CNTFR: variants seen among roughly 807,000 people sequenced by gnomAD.
CNTFR encodes ciliary neurotrophic factor receptor.
CNTFR carries 12 observed loss-of-function variants against 40.4 expected under a neutral mutation model. That is an observed-to-expected ratio of 0.30 (90% CI 0.19 to 0.48). CNTFR has a LOEUF of 0.48. Among genes scored for constraint, CNTFR ranks in the 20% least tolerant of loss-of-function variants. The pLI is 0.99. For missense variants in CNTFR, 414 were observed against 506.8 expected, an observed-to-expected ratio of 0.82 and a Z score of 1.76; for synonymous variants, 202 against 209.6, an observed-to-expected ratio of 0.96 and a Z score of 0.31.
chr9:34,578,690 C>A (rs1426486435), intron 2 of CNTFR, among the ~76,000 whole-genome samples: 1 of 152,188 alleles, frequency 6.6e-6, no homozygotes, highest in East Asian at 1.9e-4. Flanking sequence ...AGGTCCTATT[C>A]CAGGTCCTAT....
At chr9:34,584,137 G>A (rs3763614) in intron 1 of CNTFR, among the ~76,000 whole-genome samples, 6,832 of 152,294 alleles carry the variant, frequency 0.045, 238 homozygotes, top group South Asian at 0.068. Context: ...ACATCCTGAA[G>A]CTGGTCTTGA....
chr9:34,580,896 G>A (rs6476454), intron 2 of CNTFR, among the ~76,000 whole-genome samples, 199 bp downstream of exon 2: 120,664 of 152,178 alleles, frequency 0.79, 48,102 homozygotes, highest in East Asian at 0.94. Context: ...GTGACCACAG[G>A]TAAGTCTCTT....
chr9:34,578,018 G>C (rs897183535), intron 2 of CNTFR, among the ~76,000 whole-genome samples: 1 of 151,670 alleles, frequency 6.6e-6, no homozygotes, highest in Non-Finnish European at 1.5e-5. Context: ...ACTGACCTGG[G>C]TCCCCACGCA....
In CNTFR at chr9:34,564,638, A is replaced by G; in HGVS notation, c.280T>C (p.Ser94Pro). The stretch of plus-strand genomic sequence containing the variant: ...AGGACTTGGTGGCGCAGGTGCCAGG[A>G]GTCACGGTGGAAGCAGGCGTAGAGG... ...SGLYACFHRD[S>P]WHLRHQVLLH... The change falls in exon 4 of 10, where the codon TCC becomes CCC. Residue 94 changes from serine (S) to proline (P), a missense_variant. Ser to Pro is a moderately conservative substitution (Grantham distance 74, BLOSUM62 -1). Transcript: ENST00000378980. The G allele has an allele frequency of 1.2e-6, 2 of 1,612,954 alleles. No individual in the cohort carries two copies. Among genetic ancestry groups the G allele is most frequent in the Non-Finnish European group, 1.7e-6 (2 of 1,179,634 alleles).
In CNTFR at chr9:34,557,788, T is replaced by C; in HGVS notation, c.437+79A>G. On this transcript the variant is annotated intron_variant, in intron 5 of 9. Coordinates refer to ENST00000378980, the MANE Select transcript of CNTFR (RefSeq NM_147164.3). This position sits in a 1 kb window ranked among gnomAD's most constrained non-coding sequence, Gnocchi z 4.2. Reference sequence around the variant, plus strand: ...TCAAGCCCAAGGCAGGGCTGGGGTATGGACAGAGGGCATGGTGGTGGGATG... The same window carrying C: ...TCAAGCCCAAGGCAGGGCTGGGGTACGGACAGAGGGCATGGTGGTGGGATG... 6.4e-7 allele frequency: 1 copy of C among 1,563,324 alleles called. No individual in the cohort carries two copies.
rs536964418 is a variant in CNTFR at position 34,552,067 on chromosome 9, G to C, written c.*4C>G. On this transcript the variant is annotated 3_prime_UTR_variant, in exon 10 of 10. Transcript: ENST00000378980. The surrounding 1 kb of genome is among the most constrained non-coding windows in gnomAD (Gnocchi z 5.1). ...GCTCTGCATGTCCTCATGGGGTGCC[G>C]GGCTCTGTAGAGACAGGCAGGGGCC... is the stretch of plus-strand genomic sequence containing the variant. 4.7e-6 allele frequency: 7 copies of C among 1,501,132 alleles called. No individual in the cohort carries two copies. Among genetic ancestry groups the C allele is most frequent in the Middle Eastern group, 2.0e-4 (1 of 5,042 alleles). 93.0% of individuals were successfully genotyped at this position (1,501,132 alleles called of 1,614,324 possible). A position where few individuals can be genotyped will look rare whatever the true frequency, so the allele number is the denominator to read the frequency against.
intron 4 of CNTFR, among the ~76,000 whole-genome samples, chr9:34,563,013 C>T (rs905070171): frequency 6.6e-6 from 1 of 152,040 alleles, no homozygotes; most frequent in Non-Finnish European, 1.5e-5. Flanking sequence ...ACTCCATGAT[C>T]TCTCCCTTGG....
intron 6 of CNTFR, 86 bp from the exon 7 acceptor site, chr9:34,556,504 A>C: frequency 4.5e-5 from 61 of 1,344,622 alleles, no homozygotes; most frequent in Middle Eastern, 1.9e-4. Context: ...TGACCCTCTC[A>C]TATTGCCAAC....
rs1017222476 is a variant in CNTFR, at chr9:34,569,049, C to G, written c.1-68G>C. 3 of 1,431,618 alleles carry G rather than the reference C, an allele frequency of 2.1e-6. No individual in the cohort carries two copies. The Admixed American group carries it at 5.9e-5, about 28-fold the overall frequency. The allele number at this position is 1,431,618 out of a possible 1,614,324, so 88.7% of individuals were successfully genotyped here. A position where few individuals can be genotyped will look rare whatever the true frequency, so the allele number is the denominator to read the frequency against. On this transcript the variant is annotated intron_variant, in intron 2 of 9. Transcript: ENST00000378980. ...CAGGCAGGACTGTCCTGGGGAGCCCCTCCTGTTCTCAGGCAAGACTGGGAA... is the reference window on the plus strand; with the variant it reads ...CAGGCAGGACTGTCCTGGGGAGCCCGTCCTGTTCTCAGGCAAGACTGGGAA...
At position 34,551,956 on chromosome 9, in the gene CNTFR, G is replaced by C. The variant is rs1448275798; in HGVS notation, c.*115C>G. 1 of 743,442 alleles carries C rather than the reference G, an allele frequency of 1.3e-6. No individual in the cohort carries two copies. The highest frequency in any genetic ancestry group is 2.7e-5 in the East Asian group (1 of 37,420). 46.1% of individuals were successfully genotyped at this position (743,442 alleles called of 1,614,324 possible). A position where few individuals can be genotyped will look rare whatever the true frequency, so the allele number is the denominator to read the frequency against. ...GGGGTCTCCACAAATTGTGTCTGAA[G>C]AGAATGCAAAAGGTCCTCCTGCCCG... On this transcript the variant is annotated 3_prime_UTR_variant, in exon 10 of 10. Coordinates refer to ENST00000378980, the MANE Select transcript of CNTFR (RefSeq NM_147164.3).
At chr9:34,576,202 G>A (rs1826952974) in intron 2 of CNTFR, among the ~76,000 whole-genome samples, 1 of 152,222 alleles carries the variant, frequency 6.6e-6, no homozygotes, top group Admixed American at 6.5e-5. Context: ...GCCTACCATC[G>A]TGGCCACACA....
rs559362712 is a variant in CNTFR at position 34,552,333 on chromosome 9, G to A, written c.950-4C>T. On this transcript the variant is annotated splice_polypyrimidine_tract_variant and splice_region_variant and intron_variant, in intron 8 of 9. Transcript: ENST00000378980. The surrounding 1 kb of genome is among the most constrained non-coding windows in gnomAD (Gnocchi z 5.1). ...CTGGTGGTGCTGGTCGTGGTCTCTG[G>A]GGAACATGGGGGAAACTCAGGGCAA... 5.2e-6 allele frequency: 8 copies of A among 1,534,494 alleles called. No homozygotes were observed. The highest frequency in any genetic ancestry group is 1.4e-5 in the African/African-American group (1 of 73,054).
chr9:34,553,938 G>C (rs1038356211), intron 7 of CNTFR, among the ~76,000 whole-genome samples: 1 of 152,120 alleles, frequency 6.6e-6, no homozygotes, highest in Non-Finnish European at 1.5e-5. Context: ...ACTGGGGTCT[G>C]GGCTATCTGA....
At position 34,589,304 on chromosome 9, in the gene CNTFR, C is replaced by T. The variant is rs1369421885; in HGVS notation, c.-112+251G>A. Among the ~76,000 whole-genome samples, 1 of 152,136 alleles carries T rather than the reference C, an allele frequency of 6.6e-6. No individual in the cohort carries two copies. Among genetic ancestry groups the T allele is most frequent in the Non-Finnish European group, 1.5e-5 (1 of 68,002 alleles). ...AGGACAAACCGCCGGAGCCACCTCC[C>T]TCTAGTCCACAGTCGGCCCCACCAC... On this transcript the variant is annotated intron_variant, in intron 1 of 9. Coordinates refer to ENST00000378980, the MANE Select transcript of CNTFR (RefSeq NM_147164.3). This position sits in a 1 kb window ranked among gnomAD's most constrained non-coding sequence, Gnocchi z 4.4.
chr9:34,559,318 CCCAGGA>C (rs1825975122), intron 4 of CNTFR, among the ~76,000 whole-genome samples: 1 of 152,116 alleles, frequency 6.6e-6, no homozygotes, highest in Admixed American at 6.5e-5. Flanking sequence ...GGGCAGAACC[CCCAGGA>C]TCCAGATCTA....
rs956688504 is a variant in CNTFR at position 34,551,913 on chromosome 9, G to T, written c.*158C>A. The T allele has an allele frequency of 1.4e-6, 1 of 709,460 alleles. No homozygotes were observed. Among genetic ancestry groups the T allele is most frequent in the Non-Finnish European group, 2.6e-6 (1 of 385,618 alleles). The allele number at this position is 709,460 out of a possible 1,614,324, so 43.9% of individuals were successfully genotyped here. ...GCTTGGTGCGGCAGGGCTGGGGGGCGGCAGGCCCGGGCCCGCCGGGGTCTC... is the reference window on the plus strand; with the variant it reads ...GCTTGGTGCGGCAGGGCTGGGGGGCTGCAGGCCCGGGCCCGCCGGGGTCTC... On this transcript the variant is annotated 3_prime_UTR_variant, in exon 10 of 10. Coordinates refer to ENST00000378980, the MANE Select transcript of CNTFR (RefSeq NM_147164.3).
chr9:34,567,470 A>G (rs1826360470), intron 3 of CNTFR, among the ~76,000 whole-genome samples: 1 of 152,164 alleles, frequency 6.6e-6, no homozygotes. Flanking sequence ...GTCATCCACA[A>G]GGCCACAGTC....
rs1825646664 is a variant in CNTFR at position 34,552,089 on chromosome 9, G to A, written c.*-18C>T. The A allele has an allele frequency of 6.4e-7, 1 of 1,560,518 alleles. No homozygotes were observed. Among genetic ancestry groups the A allele is most frequent in the South Asian group, 1.1e-5 (1 of 88,186 alleles). ...GCCGGGCTCTGTAGAGACAGGCAGG[G>A]GCCTGTCAGGGAGGGGGCTGGAGTG... On this transcript the variant is annotated intron_variant, in intron 9 of 9. Transcript: ENST00000378980. The surrounding 1 kb of genome is among the most constrained non-coding windows in gnomAD (Gnocchi z 5.1).
Position 34,552,292 on chromosome 9 carries a change from T to C in CNTFR, c.987A>G (p.Pro329=), listed in dbSNP as rs1286215143. 1 of 1,544,186 alleles carries C rather than the reference T, an allele frequency of 6.5e-7. No individual in the cohort carries two copies. Among genetic ancestry groups the C allele is most frequent in the Admixed American group, 2.0e-5 (1 of 51,134 alleles). ...TTSTTSSLAP[P]PTTKICDPGE... The stretch of plus-strand genomic sequence containing the variant: ...CAGGGTCACAGATCTTCGTGGTAGG[T>C]GGGGGTGCCAGGGAGCTGGTGGTGC... Residue 329 remains proline (P), a synonymous_variant, in exon 9 of 10, where the codon CCA becomes CCG. Coordinates refer to ENST00000378980, the MANE Select transcript of CNTFR (RefSeq NM_147164.3). This position sits in a 1 kb window ranked among gnomAD's most constrained non-coding sequence, Gnocchi z 5.1.
Sources: allele counts gnomAD v4.1 joint callset (sites outside exome capture counted in the v4.1 genomes callset), GRCh38; gene constraint gnomAD v4.1.1; non-coding constraint Gnocchi (gnomAD v3.1); transcripts MANE v1.5; gene names NCBI Gene and HGNC (gene_info 2026-07-23, HGNC 2026-07-21).